Variants in MYB observed in about 807,000 individuals in gnomAD.
MYB encodes the protein MYB proto-oncogene, transcription factor.
Under a neutral mutation model 92.9 loss-of-function variants are expected in MYB, and 28 were observed. That is an observed-to-expected ratio of 0.30 (90% CI 0.22 to 0.41). MYB has a LOEUF of 0.41. Among genes scored for constraint, MYB ranks in the 10% least tolerant of loss-of-function variants. The pLI, the probability that MYB is intolerant of heterozygous loss-of-function variation, is 1.00. For missense variants in MYB, 679 were observed against 929.3 expected, an observed-to-expected ratio of 0.73 and a Z score of 3.50; for synonymous variants, 295 against 329.1, an observed-to-expected ratio of 0.90 and a Z score of 1.12.
chr6:135,200,667 G>A, intron 13 of MYB: 1 of 520,024 alleles, frequency 1.9e-6, no homozygotes, highest in East Asian at 3.7e-5. Context: ...GAAAAGGGAG[G>A]GAAAGAGGTT....
intron 15 of MYB, among the ~76,000 whole-genome samples, chr6:135,206,225 A>AAAAAATAAT: frequency 1.0e-5 from 1 of 96,658 alleles, no homozygotes; most frequent in Middle Eastern, 4.7e-3. Context: ...AAAAAAAAAA[A>AAAAAATAAT]AATAATAATA....
At position 135,194,342 on chromosome 6, in the gene MYB, C is replaced by G; in HGVS notation, c.844-14C>G. 1 of 1,575,278 alleles carries G rather than the reference C, an allele frequency of 6.3e-7. No individual in the cohort carries two copies. Among genetic ancestry groups the G allele is most frequent in the Non-Finnish European group, 8.7e-7 (1 of 1,147,998 alleles). Reference sequence around the variant, plus strand: ...CAGACCTTTGTCTTTATTTCCCTTACTTTGTAATTTCAGAGACACTATAAT... The same window carrying G: ...CAGACCTTTGTCTTTATTTCCCTTAGTTTGTAATTTCAGAGACACTATAAT... On this transcript the variant is annotated splice_polypyrimidine_tract_variant and intron_variant, in intron 7 of 15. Transcript: ENST00000341911.
rs147282507 is a variant in MYB, at chr6:135,217,942, T to C, written c.2248T>C (p.Tyr750His). The C allele has an allele frequency of 2.2e-4, 348 of 1,613,026 alleles. No homozygotes were observed. Among genetic ancestry groups the C allele is most frequent in the Non-Finnish European group, 2.8e-4 (325 of 1,179,244 alleles). Residue 750 changes from tyrosine to histidine, a missense_variant, in exon 16 of 16, where the codon TAC (tyrosine) becomes CAC (histidine). Physicochemically the swap from Tyr to His is moderately conservative, Grantham distance 83. Around this residue, in one of 8 missense-constraint regions of MYB, gnomAD observed 402 missense variants for 434.2 expected, o/e 0.93. Transcript: ENST00000341911. ...QMTSSSQARK[Y>H]VNAFSARTLV... The stretch of plus-strand genomic sequence containing the variant: ...GACATCTTCCAGTCAAGCTCGTAAA[T>C]ACGTGAATGCATTCTCAGCCCGGAC...
Position 135,201,690 on chromosome 6 carries a change from G to A in MYB, c.2002G>A (p.Glu668Lys). Residue 668 changes from glutamate (E) to lysine (K), a missense_variant, in exon 14 of 16, where the codon GAA (glutamate) becomes AAA (lysine). Coordinates refer to ENST00000341911, the MANE Select transcript of MYB (RefSeq NM_001130173.2). ...AAACTTCTTCTGCTCACACCACTGG[G>A]AAGGGGACAGTCTGAATACCCAACT... ...SGNFFCSHHW[E>K]GDSLNTQLFT... is the part of the protein sequence containing the mutation. 2 of 1,594,638 alleles carry A rather than the reference G, an allele frequency of 1.3e-6. No individual in the cohort carries two copies. The highest frequency in any genetic ancestry group is 1.7e-6 in the Non-Finnish European group (2 of 1,168,046).
In MYB at chr6:135,215,631, T is replaced by C. The variant is rs76796062; in HGVS notation, c.2170-2233T>C. On this transcript the variant is annotated intron_variant, in intron 15 of 15. Coordinates refer to ENST00000341911, the MANE Select transcript of MYB (RefSeq NM_001130173.2). Reference sequence around the variant, plus strand: ...GTGAGGGCTTGTTTTATGTTGTCGTTTAACCCTTTCTTTCTCAGCCCTCCC... The same window carrying C: ...GTGAGGGCTTGTTTTATGTTGTCGTCTAACCCTTTCTTTCTCAGCCCTCCC... 4.4e-3 allele frequency among the ~76,000 whole-genome samples: 674 copies of C among 152,212 alleles called. 6 individuals are homozygous for C. Among genetic ancestry groups the C allele is most frequent in the African/African-American group, 0.016 (644 of 41,532 alleles).
rs371380453 is a variant in MYB at position 135,197,198 on chromosome 6, C to A, written c.1441C>A (p.Arg481=). Residue 481 remains arginine, a synonymous_variant, in exon 10 of 16, where the codon CGA becomes AGA. Transcript: ENST00000341911. ...RHSTIPLVIL[R]KKRGQASPLA... Reference sequence around the variant, plus strand: ...CAGCACAATTCCACTGGTCATCCTTCGAAAAAAACGGGGCCAGGCCAGCCC... The same window carrying A: ...CAGCACAATTCCACTGGTCATCCTTAGAAAAAAACGGGGCCAGGCCAGCCC... The A allele has an allele frequency of 1.9e-6, 3 of 1,613,698 alleles. No homozygotes were observed. The highest frequency in any genetic ancestry group is 1.6e-4 in the Middle Eastern group (1 of 6,084).
intron 6 of MYB, 102 bp from the exon 7 acceptor site, chr6:135,193,736 T>C (rs1423391181): frequency 1.4e-6 from 1 of 712,194 alleles, no homozygotes; most frequent in Admixed American, 2.4e-5. Context: ...CAGTAAAGTG[T>C]TTTTTTTCTC....
intron 13 of MYB, among the ~76,000 whole-genome samples, chr6:135,200,984 C>T (rs1399892893): frequency 6.6e-6 from 1 of 152,022 alleles, no homozygotes; most frequent in Non-Finnish European, 1.5e-5. Context: ...GAGTCTGAAG[C>T]AGGATTATGG....
rs1199080191 is a variant in MYB, at chr6:135,219,048, T to C, written c.*1068T>C. 2 of 225,504 alleles carry C rather than the reference T, an allele frequency of 8.9e-6. No homozygotes were observed. Among genetic ancestry groups the C allele is most frequent in the African/African-American group, 2.2e-5 (1 of 44,882 alleles). 14.0% of individuals were successfully genotyped at this position (225,504 alleles called of 1,614,324 possible). A position where few individuals can be genotyped will look rare whatever the true frequency, so the allele number is the denominator to read the frequency against. ...TGTTTGCAACTGGGGAGACAGAAAC[T>C]GTGGTTGATAGCCAGTCACTGCCTT... On this transcript the variant is annotated 3_prime_UTR_variant, in exon 16 of 16. Coordinates refer to ENST00000341911, the MANE Select transcript of MYB (RefSeq NM_001130173.2).
chr6:135,209,321 C>T, intron 15 of MYB, among the ~76,000 whole-genome samples: 1 of 152,212 alleles, frequency 6.6e-6, no homozygotes, highest in East Asian at 1.9e-4. Context: ...GCAACCTCCA[C>T]CTCCTTGGTC....
chr6:135,206,770 C>T (rs1167189456), intron 15 of MYB, among the ~76,000 whole-genome samples: 1 of 152,132 alleles, frequency 6.6e-6, no homozygotes, highest in Non-Finnish European at 1.5e-5. Context: ...GAATGTTGTT[C>T]TACATACTTG....
In MYB at chr6:135,199,961, C is replaced by T. The variant is rs1162881734; in HGVS notation, c.1710-124C>T. On this transcript the variant is annotated intron_variant, in intron 11 of 15. Coordinates refer to ENST00000341911, the MANE Select transcript of MYB (RefSeq NM_001130173.2). ...ACGAATAACGTGATTAATCAGCACA[C>T]CCCAATTCCATATCCGGAACAGAGT... 4.1e-6 allele frequency: 3 copies of T among 737,220 alleles called. No individual in the cohort carries two copies. In the African/African-American group the frequency reaches 5.3e-5, roughly 13 times the overall value. The allele number at this position is 737,220 out of a possible 1,614,324, so 45.7% of individuals were successfully genotyped here.
chr6:135,207,839 A>G (rs1779154674), intron 15 of MYB, among the ~76,000 whole-genome samples: 1 of 151,340 alleles, frequency 6.6e-6, no homozygotes, highest in South Asian at 2.1e-4. Flanking sequence ...GGTTCAAGCA[A>G]TTCTCCTGCC....
intron 15 of MYB, chr6:135,203,810 A>C: frequency 2.3e-6 from 3 of 1,285,496 alleles, no homozygotes; most frequent in Non-Finnish European, 3.0e-6. Context: ...CAGAATAAGA[A>C]AGTCAACTGT....
intron 15 of MYB, among the ~76,000 whole-genome samples, chr6:135,216,967 G>A (rs1780538048): frequency 6.6e-6 from 1 of 152,210 alleles, no homozygotes; most frequent in Non-Finnish European, 1.5e-5. Flanking sequence ...GCCTCCCGAG[G>A]TGATGGTGCT....
chr6:135,205,975 G>A (rs1331596925), intron 15 of MYB, among the ~76,000 whole-genome samples: 1 of 152,026 alleles, frequency 6.6e-6, no homozygotes, highest in Non-Finnish European at 1.5e-5. Context: ...GGAGGCCGAG[G>A]TGGGCGGATC....
At chr6:135,205,744 T>G (rs1201576404) in intron 15 of MYB, among the ~76,000 whole-genome samples, 2 of 152,220 alleles carry the variant, frequency 1.3e-5, no homozygotes, top group African/African-American at 4.8e-5. Context: ...CCATATAGTT[T>G]ACTGGTTTAC....
chr6:135,212,224 C>CTTTTTAT (rs1779810138), intron 15 of MYB, among the ~76,000 whole-genome samples: 1 of 32,882 alleles, frequency 3.0e-5, no homozygotes. Context: ...TTTGGTTTTA[C>CTTTTTAT]TTTTTTTTTT....
intron 15 of MYB, among the ~76,000 whole-genome samples, chr6:135,209,269 T>C (rs986697799): frequency 1.3e-5 from 2 of 151,062 alleles, no homozygotes; most frequent in Non-Finnish European, 2.9e-5. Context: ...AGTCTCACTC[T>C]GTCACCCAGG....
Sources: gnomAD v4.1 joint callset for allele counts (sites outside exome capture counted in the v4.1 genomes callset) on GRCh38, gnomAD v4.1.1 for gene constraint, gnomAD v4.1.1 regional missense constraint, MANE v1.5 for transcripts, NCBI Gene and HGNC (gene_info 2026-07-23, HGNC 2026-07-21) for gene names.